Variants in NAA35 observed in about 807,000 individuals in gnomAD.
The protein encoded by NAA35 is MAK10 homolog, amino-acid N-acetyltransferase subunit.
In NAA35, 18 loss-of-function variants were observed where a neutral mutation model predicts 101.7. That is an observed-to-expected ratio of 0.18 (90% CI 0.12 to 0.26). The LOEUF is 0.26. Ranked by LOEUF, NAA35 falls within the 10% of genes least tolerant of loss-of-function variation. The probability of loss-of-function intolerance (pLI) is 1.00; values close to 1 mark genes in which losing one functional copy is unlikely to be tolerated. For synonymous variants in NAA35, 267 were observed against 273.1 expected, an observed-to-expected ratio of 0.98 and a Z score of 0.22; for missense variants, 601 against 886.8, an observed-to-expected ratio of 0.68 and a Z score of 4.09.
At chr9:86,001,804 C>T (rs185486464) in intron 12 of NAA35, among the ~76,000 whole-genome samples, 4 of 152,128 alleles carry the variant, frequency 2.6e-5, no homozygotes, top group Non-Finnish European at 4.4e-5. Context: ...CACATCAGTA[C>T]GTCTTGCTTT....
At chr9:85,990,592 A>T (rs1478640449) in intron 11 of NAA35, among the ~76,000 whole-genome samples, 1 of 152,258 alleles carries the variant, frequency 6.6e-6, no homozygotes, top group African/African-American at 2.4e-5. Flanking sequence ...CTTAAAGATA[A>T]CAAAGGGAAC....
At chr9:86,004,333 GACCTC>G (rs1831539506) in intron 13 of NAA35, among the ~76,000 whole-genome samples, 1 of 152,056 alleles carries the variant, frequency 6.6e-6, no homozygotes, top group African/African-American at 2.4e-5. Context: ...TCAAACCCCT[GACCTC>G]AGGTGATCCA....
intron 7 of NAA35, 35 bp from the exon 8 acceptor site, chr9:85,975,079 T>C: frequency 6.2e-7 from 1 of 1,611,694 alleles, no homozygotes; most frequent in East Asian, 2.2e-5. Flanking sequence ...CATTTTCATA[T>C]GTTTCCTTTT....
At chr9:86,007,313 A>G (rs1399635965) in intron 13 of NAA35, 45 bp from the exon 14 acceptor site, 6 of 1,355,070 alleles carry the variant, frequency 4.4e-6, no homozygotes, top group South Asian at 2.4e-5. Flanking sequence ...ACTAATGACA[A>G]TTCTGTGCGT....
intron 2 of NAA35, among the ~76,000 whole-genome samples, chr9:85,942,645 T>C (rs1828573834): frequency 6.6e-6 from 1 of 152,212 alleles, no homozygotes; most frequent in Admixed American, 6.5e-5. Flanking sequence ...GATTGTCCAG[T>C]GGCTTCCTGT....
At chr9:86,012,940 C>A in intron 15 of NAA35, 106 bp from the exon 16 acceptor site, 2 of 621,404 alleles carry the variant, frequency 3.2e-6, no homozygotes, top group Non-Finnish European at 5.0e-6. Flanking sequence ...TTCTTACATA[C>A]ACAGCATTTT....
At chr9:85,970,031 A>G (rs1336003907) in intron 6 of NAA35, among the ~76,000 whole-genome samples, 3 of 152,206 alleles carry the variant, frequency 2.0e-5, no homozygotes, top group Non-Finnish European at 4.4e-5. Flanking sequence ...AATTACCAGC[A>G]GATTTTGACG....
intron 13 of NAA35, among the ~76,000 whole-genome samples, chr9:86,007,111 C>A (rs1205120067): frequency 1.3e-5 from 2 of 152,116 alleles, no homozygotes; most frequent in Non-Finnish European, 2.9e-5. Context: ...TTTATTTTGA[C>A]TATTTTAATA....
At chr9:86,016,114 T>C (rs560824223) in intron 17 of NAA35, among the ~76,000 whole-genome samples, 193 of 150,904 alleles carry the variant, frequency 1.3e-3, no homozygotes, top group African/African-American at 4.6e-3. Context: ...TGTTCTGTTT[T>C]ATATTTCATT....
chr9:85,986,567 A>G (rs115553983), intron 11 of NAA35: 7 of 401,514 alleles, frequency 1.7e-5, no homozygotes, highest in Non-Finnish European at 3.0e-5. Flanking sequence ...TTTTTTGCCA[A>G]TGTGTAGATC....
rs1470003949 is a variant in NAA35 at position 85,996,406 on chromosome 9, A to T, written c.885A>T (p.Pro295=). The T allele has an allele frequency of 6.3e-7, 1 of 1,575,386 alleles. No homozygotes were observed. The highest frequency in any genetic ancestry group is 1.2e-5 in the South Asian group (1 of 82,492). Residue 295 remains proline, a synonymous_variant, in exon 12 of 23, where the codon CCA becomes CCT. Coordinates refer to ENST00000361671, the MANE Select transcript of NAA35 (RefSeq NM_024635.4). ...AQNDTTKGDH[P]IMMGFEPLVN... ...TCATTTTTTTCTTTTTAGATCATCC[A>T]ATTATGATGGGTTTTGAACCCCTTG...
At position 85,976,745 on chromosome 9, in the gene NAA35, C is replaced by T. The variant is rs529446281; in HGVS notation, c.678+10C>T. On this transcript the variant is annotated intron_variant, in intron 9 of 22. Transcript: ENST00000361671. ...AGAAGTTGAACTAGAAGTAATTGAA[C>T]TTATTTTCTGGTAGATAATATCAGA... 19 of 1,580,674 alleles carry T rather than the reference C, an allele frequency of 1.2e-5. No individual in the cohort carries two copies. Among genetic ancestry groups the T allele is most frequent in the Non-Finnish European group, 1.5e-5 (17 of 1,162,224 alleles).
chr9:86,002,245 G>A (rs1213923460), intron 12 of NAA35, among the ~76,000 whole-genome samples: 9 of 152,052 alleles, frequency 5.9e-5, no homozygotes, highest in Admixed American at 5.9e-4. Flanking sequence ...GCCTGATGGG[G>A]ATCCCTTTTT....
rs1832610280 is a variant in NAA35, at chr9:86,022,499, A to C, written c.*539A>C. On this transcript the variant is annotated 3_prime_UTR_variant, in exon 23 of 23. Coordinates refer to ENST00000361671, the MANE Select transcript of NAA35 (RefSeq NM_024635.4). ...GGGAGGGCCTCTAAATTACATGAAA[A>C]TTGTGATTTTTATGTGTCATGACAT... is the stretch of plus-strand genomic sequence containing the variant. Among the ~76,000 whole-genome samples, 1 of 152,190 alleles carries C rather than the reference A, an allele frequency of 6.6e-6. No homozygotes were observed. The highest frequency in any genetic ancestry group is 2.4e-5 in the African/African-American group (1 of 41,450).
intron 12 of NAA35, among the ~76,000 whole-genome samples, chr9:85,999,954 T>C (rs997971902): frequency 3.3e-5 from 5 of 152,304 alleles, no homozygotes; most frequent in Middle Eastern, 3.4e-3. Context: ...CCCATATCTT[T>C]TCATTTTTTA....
rs901624346 is a variant in NAA35 at position 86,018,713 on chromosome 9, C to T, written c.1929C>T (p.Leu643=). ...CTTCTTTTTAGGAAATGTCTGACCTCAATAAATATAGCCCTCCTCCTCAGT... is the reference window on the plus strand; with the variant it reads ...CTTCTTTTTAGGAAATGTCTGACCTTAATAAATATAGCCCTCCTCCTCAGT... ...HYLQFKEMSD[L]NKYSPPPQSP... Residue 643 remains leucine (L), a synonymous_variant, in exon 21 of 23, where the codon CTC becomes CTT. Coordinates refer to ENST00000361671, the MANE Select transcript of NAA35 (RefSeq NM_024635.4). 9 of 1,613,536 alleles carry T rather than the reference C, an allele frequency of 5.6e-6. No homozygotes were observed. The highest frequency in any genetic ancestry group is 7.6e-6 in the Non-Finnish European group (9 of 1,179,902).
At chr9:86,017,040 T>C (rs1237304659) in intron 18 of NAA35, among the ~76,000 whole-genome samples, 1 of 152,154 alleles carries the variant, frequency 6.6e-6, no homozygotes, top group Non-Finnish European at 1.5e-5. Flanking sequence ...CACCGAAAGG[T>C]GGTTACAGAG....
chr9:85,973,747 GTGTTT>G (rs1471669302), intron 6 of NAA35, among the ~76,000 whole-genome samples: 1 of 150,298 alleles, frequency 6.7e-6, no homozygotes, highest in Non-Finnish European at 1.5e-5. Context: ...AATATGATGA[GTGTTT>G]TTTTTTTTTA....
chr9:85,964,956 C>T (rs1290489103), intron 6 of NAA35, among the ~76,000 whole-genome samples: 1 of 152,150 alleles, frequency 6.6e-6, no homozygotes, highest in African/African-American at 2.4e-5. Flanking sequence ...ATCAAATATC[C>T]ATTGACGGTG....
Sources: allele counts gnomAD v4.1 joint callset (sites outside exome capture counted in the v4.1 genomes callset), GRCh38; gene constraint gnomAD v4.1.1; transcripts MANE v1.5; gene names NCBI Gene and HGNC (gene_info 2026-07-23, HGNC 2026-07-21).